Variants in BMPR1A observed in about 807,000 individuals in gnomAD.
The protein encoded by BMPR1A is bone morphogenetic protein receptor type-1A.
A neutral mutation model predicts 66.0 loss-of-function variants in BMPR1A; 7 were observed. The observed-to-expected ratio is 0.11, with a 90% CI of 0.06 to 0.20. The LOEUF (loss-of-function observed/expected upper bound fraction) is 0.20, where lower values mean the gene tolerates loss of function less well. Ranked by LOEUF, BMPR1A falls within the 10% of genes least tolerant of loss-of-function variation. BMPR1A has a pLI of 1.00. For missense variants in BMPR1A, 408 were observed against 669.1 expected, an observed-to-expected ratio of 0.61 and a Z score of 4.31; for synonymous variants, 200 against 229.7, an observed-to-expected ratio of 0.87 and a Z score of 1.17.
rs199696928 is a variant in BMPR1A at position 86,896,286 on chromosome 10, T to TA, written c.334-3499dup. Among the ~76,000 whole-genome samples the TA allele has an allele frequency of 4.6e-3, 621 of 135,028 alleles. 1 individual carries two copies. Among genetic ancestry groups the TA allele is most frequent in the African/African-American group, 0.015 (585 of 39,866 alleles). 88.6% of individuals were successfully genotyped at this position (135,028 alleles called of 152,430 possible). A position where few individuals can be genotyped will look rare whatever the true frequency, so the allele number is the denominator to read the frequency against. ...GGAGTGATAGCTAGATCTTCTATCA[T>TA]AAAAAAAAAGAAAAAGAAAAAATGC... On this transcript the variant is annotated intron_variant, in intron 5 of 12. Transcript: ENST00000372037.
At chr10:86,762,105 GCTT>G (rs1248446483) in intron 1 of BMPR1A, among the ~76,000 whole-genome samples, 1 of 152,180 alleles carries the variant, frequency 6.6e-6, no homozygotes, top group Non-Finnish European at 1.5e-5. Context: ...GGAGGGAAAA[GCTT>G]CTCCCCACTA....
At chr10:86,842,977 T>G (rs1365583073) in intron 2 of BMPR1A, among the ~76,000 whole-genome samples, 1 of 152,072 alleles carries the variant, frequency 6.6e-6, no homozygotes, top group African/African-American at 2.4e-5. Flanking sequence ...GAGATTTGGG[T>G]GGGGACACAG....
intron 1 of BMPR1A, among the ~76,000 whole-genome samples, chr10:86,821,237 C>T (rs1842116138): frequency 6.6e-6 from 1 of 152,190 alleles, no homozygotes; most frequent in South Asian, 2.1e-4. Context: ...GAAGTTACTC[C>T]TCTGGGTTTT....
chr10:86,826,264 A>AT (rs1842192555), intron 1 of BMPR1A, among the ~76,000 whole-genome samples: 1 of 152,166 alleles, frequency 6.6e-6, no homozygotes, highest in Non-Finnish European at 1.5e-5. Context: ...CTAACATGTG[A>AT]TCCCTATTTA....
At chr10:86,775,823 A>G (rs886589267) in intron 1 of BMPR1A, among the ~76,000 whole-genome samples, 2 of 152,150 alleles carry the variant, frequency 1.3e-5, no homozygotes, top group Non-Finnish European at 2.9e-5. Flanking sequence ...CTTTCCATTT[A>G]CAAAAATGCA....
At chr10:86,788,298 A>T (rs899655230) in intron 1 of BMPR1A, among the ~76,000 whole-genome samples, 13 of 152,236 alleles carry the variant, frequency 8.5e-5, no homozygotes, top group African/African-American at 2.4e-4. Flanking sequence ...TATTTGGCTA[A>T]GTGGTGTAGG....
In BMPR1A at chr10:86,924,514, A is replaced by G. The variant is rs1843713424; in HGVS notation, c.*795A>G. 5.0e-6 allele frequency: 1 copy of G among 199,294 alleles called. No homozygotes were observed. Among genetic ancestry groups the G allele is most frequent in the Non-Finnish European group, 9.8e-6 (1 of 101,774 alleles). 12.3% of individuals were successfully genotyped at this position (199,294 alleles called of 1,614,324 possible). On this transcript the variant is annotated 3_prime_UTR_variant, in exon 13 of 13. Coordinates refer to ENST00000372037, the MANE Select transcript of BMPR1A (RefSeq NM_004329.3). Reference sequence around the variant, plus strand: ...TTTGGACTGTTTTCCTTCAACCACCATTTTTTTTGTGGTTATTATTTTTGT... The same window carrying G: ...TTTGGACTGTTTTCCTTCAACCACCGTTTTTTTTGTGGTTATTATTTTTGT...
intron 7 of BMPR1A, among the ~76,000 whole-genome samples, chr10:86,902,501 A>G (rs1008557895): frequency 1.3e-5 from 2 of 152,188 alleles, no homozygotes; most frequent in African/African-American, 4.8e-5. Flanking sequence ...TCTCTAAGCA[A>G]TGGGTAGGAT....
At chr10:86,832,445 G>T (rs1190899121) in intron 1 of BMPR1A, among the ~76,000 whole-genome samples, 4 of 145,896 alleles carry the variant, frequency 2.7e-5, no homozygotes, top group Non-Finnish European at 4.5e-5. Flanking sequence ...CAGCCTGGGC[G>T]ACAAGAGCGA....
intron 1 of BMPR1A, among the ~76,000 whole-genome samples, chr10:86,760,893 G>T (rs1841045150): frequency 6.6e-6 from 1 of 152,184 alleles, no homozygotes; most frequent in Non-Finnish European, 1.5e-5. Context: ...GACTTGCATT[G>T]AGTTATGTCC....
Position 86,873,839 on chromosome 10 carries a change from C to T in BMPR1A, c.-152-2028C>T, listed in dbSNP as rs184370286. Among the ~76,000 whole-genome samples the T allele has an allele frequency of 2.2e-3, 342 of 152,228 alleles. 1 individual carries two copies. Among genetic ancestry groups the T allele is most frequent in the African/African-American group, 7.8e-3 (325 of 41,516 alleles). On this transcript the variant is annotated intron_variant, in intron 2 of 12. Coordinates refer to ENST00000372037, the MANE Select transcript of BMPR1A (RefSeq NM_004329.3). ...TATTTTAGACTTTACATCTTTTTCT[C>T]TCAGCATTATGTAATGGGAAACAAT...
At chr10:86,787,811 AAG>A (rs1174256690) in intron 1 of BMPR1A, among the ~76,000 whole-genome samples, 1 of 152,132 alleles carries the variant, frequency 6.6e-6, no homozygotes, top group East Asian at 1.9e-4. Flanking sequence ...AGAGACAGCA[AAG>A]AGGGGAATGC....
chr10:86,923,265 T>G, intron 11 of BMPR1A, 111 bp from the exon 12 acceptor site: 1 of 1,437,120 alleles, frequency 7.0e-7, no homozygotes, highest in Non-Finnish European at 9.7e-7. Context: ...CTATATTTTT[T>G]CTTGTGTAAG....
At chr10:86,798,523 A>G (rs768520865) in intron 1 of BMPR1A, among the ~76,000 whole-genome samples, 1 of 152,212 alleles carries the variant, frequency 6.6e-6, no homozygotes, top group Non-Finnish European at 1.5e-5. Flanking sequence ...TTACAGAAAA[A>G]TGAGTGGCTT....
intron 7 of BMPR1A, among the ~76,000 whole-genome samples, chr10:86,902,505 G>C (rs890185290): frequency 6.6e-6 from 1 of 152,084 alleles, no homozygotes; most frequent in Admixed American, 6.5e-5. Flanking sequence ...TAAGCAATGG[G>C]TAGGATGTTT....
chr10:86,857,101 T>G (rs1247521606), intron 2 of BMPR1A, among the ~76,000 whole-genome samples: 2 of 152,154 alleles, frequency 1.3e-5, no homozygotes, highest in African/African-American at 4.8e-5. Flanking sequence ...TATGTAGGTG[T>G]AATGGAATAA....
chr10:86,932,034 A>G (rs966854421), downstream of BMPR1A: 2 of 152,216 alleles, frequency 1.3e-5, no homozygotes, highest in Non-Finnish European at 1.5e-5. Context: ...AGTTTCATCA[A>G]TAGTATAAGG....
At chr10:86,781,597 A>G (rs774560504) in intron 1 of BMPR1A, among the ~76,000 whole-genome samples, 13 of 152,064 alleles carry the variant, frequency 8.5e-5, no homozygotes, top group Non-Finnish European at 1.8e-4. Context: ...GGATCTGTAG[A>G]TTGCTTTGTG....
At chr10:86,794,897 G>C (rs1219246314) in intron 1 of BMPR1A, among the ~76,000 whole-genome samples, 3 of 151,186 alleles carry the variant, frequency 2.0e-5, no homozygotes, top group Non-Finnish European at 4.4e-5. Flanking sequence ...TGTTTCCCAG[G>C]ATGGAGTGCA....
Sources: gnomAD v4.1 joint callset for allele counts (sites outside exome capture counted in the v4.1 genomes callset) on GRCh38, gnomAD v4.1.1 for gene constraint, MANE v1.5 for transcripts, NCBI Gene and HGNC (gene_info 2026-07-23, HGNC 2026-07-21) for gene names.